Variants in CTNND2 observed in about 807,000 individuals in gnomAD.
CTNND2 encodes catenin delta 2.
A neutral mutation model predicts 144.4 loss-of-function variants in CTNND2; 22 were observed. The observed-to-expected ratio is 0.15, with a 90% CI of 0.11 to 0.22. CTNND2 has a LOEUF of 0.22. CTNND2 is among the 10% of genes least tolerant of loss of function. The probability of loss-of-function intolerance (pLI) is 1.00; values close to 1 mark genes in which losing one functional copy is unlikely to be tolerated. For synonymous variants in CTNND2, 751 were observed against 695.6 expected, an observed-to-expected ratio of 1.08 and a Z score of -1.25; for missense variants, 1,353 against 1,618.8, an observed-to-expected ratio of 0.84 and a Z score of 2.82.
chr5:11,493,554 G>C (rs1769652952), intron 3 of CTNND2, among the ~76,000 whole-genome samples: 2 of 152,110 alleles, frequency 1.3e-5, no homozygotes, highest in Non-Finnish European at 2.9e-5. Flanking sequence ...ATACATCTGA[G>C]CAAAACACAG....
chr5:11,488,468 T>C (rs1458969705), intron 3 of CTNND2, among the ~76,000 whole-genome samples: 2 of 152,200 alleles, frequency 1.3e-5, no homozygotes, highest in Non-Finnish European at 2.9e-5. Flanking sequence ...TTCCATTACA[T>C]ATTTTACGTT....
chr5:11,498,706 CTAGA>C (rs1443173595), intron 3 of CTNND2, among the ~76,000 whole-genome samples: 2 of 152,178 alleles, frequency 1.3e-5, no homozygotes, highest in Non-Finnish European at 2.9e-5. Flanking sequence ...TCGCGTATAG[CTAGA>C]TAATTTTTAT....
intron 1 of CTNND2, among the ~76,000 whole-genome samples, chr5:11,799,988 A>T (rs1020204236): frequency 1.3e-5 from 2 of 152,180 alleles, no homozygotes; most frequent in African/African-American, 4.8e-5. Flanking sequence ...ACATTCCAGA[A>T]TTTTGGACTA....
intron 6 of CTNND2, among the ~76,000 whole-genome samples, chr5:11,392,606 G>T (rs1382201927): frequency 6.6e-6 from 1 of 152,118 alleles, no homozygotes; most frequent in Non-Finnish European, 1.5e-5. Context: ...AACTAAATTT[G>T]CTTATCCTGG....
At chr5:11,611,601 A>C (rs1780329228) in intron 2 of CTNND2, among the ~76,000 whole-genome samples, 1 of 152,086 alleles carries the variant, frequency 6.6e-6, no homozygotes, top group Admixed American at 6.5e-5. Flanking sequence ...AACATGGTGA[A>C]ACCCCGACTC....
chr5:11,265,316 GAAAGCTTGATGTACATCTC>G (rs1745325732), intron 9 of CTNND2, among the ~76,000 whole-genome samples: 1 of 152,280 alleles, frequency 6.6e-6, no homozygotes, highest in East Asian at 1.9e-4. Context: ...GGGAATCAGT[GAAAGCTTGATGTACATCTC>G]AAAGTTTCTG....
chr5:11,728,280 G>A (rs1443106967), intron 2 of CTNND2, among the ~76,000 whole-genome samples: 4 of 151,416 alleles, frequency 2.6e-5, no homozygotes, highest in African/African-American at 7.3e-5. Flanking sequence ...AGACCAGCTC[G>A]ACCAACATGG....
Position 11,152,545 on chromosome 5 carries a change from C to T in CTNND2, c.2159+7031G>A, listed in dbSNP as rs541952609. ...GACTCAAGATGCATTTCTCAGAACA[C>T]GTTCCTGTTGTTATGCCATGCATGA... On this transcript the variant is annotated intron_variant, in intron 12 of 21. Coordinates refer to ENST00000304623, the MANE Select transcript of CTNND2 (RefSeq NM_001332.4). Among the ~76,000 whole-genome samples, 8 of 152,286 alleles carry T rather than the reference C, an allele frequency of 5.3e-5. No homozygotes were observed. The South Asian group carries it at 1.5e-3, about 28-fold the overall frequency.
intron 3 of CTNND2, among the ~76,000 whole-genome samples, chr5:11,534,730 T>C (rs1334428576): frequency 5.3e-5 from 8 of 152,208 alleles, no homozygotes; most frequent in Admixed American, 3.9e-4. Context: ...CCTTCCTCTT[T>C]AGAAGGTTGT....
intron 11 of CTNND2, among the ~76,000 whole-genome samples, chr5:11,175,625 CTTTTT>C (rs1160709079): frequency 1.1e-5 from 1 of 87,878 alleles, no homozygotes; most frequent in African/African-American, 4.5e-5. Flanking sequence ...TTGTTTCTTT[CTTTTT>C]TTATTTATTT....
intron 1 of CTNND2, among the ~76,000 whole-genome samples, chr5:11,795,151 C>T (rs1164039574): frequency 6.6e-6 from 1 of 152,092 alleles, no homozygotes; most frequent in Non-Finnish European, 1.5e-5. Flanking sequence ...CAGTGTACTA[C>T]GTGCCCTGAC....
intron 21 of CTNND2, among the ~76,000 whole-genome samples, 169 bp downstream of exon 21, chr5:10,981,604 C>CAT (rs1337229334): frequency 1.3e-5 from 2 of 151,582 alleles, no homozygotes; most frequent in Non-Finnish European, 2.9e-5. Context: ...CACACACACA[C>CAT]ACAGAGACAC....
At chr5:11,544,979 G>A (rs548239953) in intron 3 of CTNND2, among the ~76,000 whole-genome samples, 47 of 152,116 alleles carry the variant, frequency 3.1e-4, no homozygotes, top group South Asian at 6.2e-4. Flanking sequence ...AAAATTAGCC[G>A]GGTGTGATGA....
chr5:11,204,281 A>T (rs1385794684), intron 10 of CTNND2, among the ~76,000 whole-genome samples: 1 of 152,056 alleles, frequency 6.6e-6, no homozygotes. Context: ...TCTCTGGGGA[A>T]TGAACACTAG....
chr5:11,018,521 G>A (rs2062689), intron 17 of CTNND2, among the ~76,000 whole-genome samples: 1 of 151,948 alleles, frequency 6.6e-6, no homozygotes, highest in Non-Finnish European at 1.5e-5. Flanking sequence ...AGTGAGCCAA[G>A]TTGTGAATGC....
At chr5:11,540,835 T>A (rs1346038835) in intron 3 of CTNND2, among the ~76,000 whole-genome samples, 1 of 152,160 alleles carries the variant, frequency 6.6e-6, no homozygotes, top group Non-Finnish European at 1.5e-5. Context: ...ATGGAAATAA[T>A]AAGGGTTTAT....
chr5:11,841,941 G>A (rs1794494004), intron 1 of CTNND2, among the ~76,000 whole-genome samples: 1 of 151,612 alleles, frequency 6.6e-6, no homozygotes, highest in South Asian at 2.1e-4. Context: ...TAGAGGTGAA[G>A]GTCTGCTCTC....
At chr5:11,186,882 T>G (rs1735682539) in intron 11 of CTNND2, among the ~76,000 whole-genome samples, 1 of 152,222 alleles carries the variant, frequency 6.6e-6, no homozygotes, top group Non-Finnish European at 1.5e-5. Context: ...GCTGTGACTT[T>G]AAGCATGCCC....
At chr5:11,185,581 T>C (rs928912436) in intron 11 of CTNND2, among the ~76,000 whole-genome samples, 4 of 152,222 alleles carry the variant, frequency 2.6e-5, no homozygotes, top group Admixed American at 6.5e-5. Context: ...ACAGCTGCCA[T>C]GATGGCAACG....
Sources: gnomAD v4.1 joint callset for allele counts (sites outside exome capture counted in the v4.1 genomes callset) on GRCh38, gnomAD v4.1.1 for gene constraint, MANE v1.5 for transcripts, NCBI Gene and HGNC (gene_info 2026-07-23, HGNC 2026-07-21) for gene names.